COL25A1: variants seen among roughly 807,000 people sequenced by gnomAD.
The protein encoded by COL25A1 is collagen alpha-1(XXV) chain.
Under a neutral mutation model 128.4 loss-of-function variants are expected in COL25A1, and 103 were observed. The observed-to-expected ratio is 0.80, with a 90% confidence interval of 0.68 to 0.94. The LOEUF is 0.94. COL25A1 is among the 40% of genes least tolerant of loss of function. The pLI is 0.00. For missense variants in COL25A1, 745 were observed against 840.0 expected, an observed-to-expected ratio of 0.89 and a Z score of 1.40; for synonymous variants, 279 against 277.2, an observed-to-expected ratio of 1.01 and a Z score of -0.06.
chr4:109,287,198 C>T (rs1723971492), intron 3 of COL25A1, among the ~76,000 whole-genome samples: 1 of 152,220 alleles, frequency 6.6e-6, no homozygotes, highest in African/African-American at 2.4e-5. Context: ...TGCTACAGGC[C>T]ATACTTTTGT....
chr4:109,037,388 G>A lies in COL25A1; in HGVS notation c.420+10780C>T, dbSNP rs76914943. Reference sequence around the variant, plus strand: ...AGGTATGATGGATCCAAAGCCAGGAGGAGGGGAGCTCACAGTGAGGCTGTC... The same window carrying A: ...AGGTATGATGGATCCAAAGCCAGGAAGAGGGGAGCTCACAGTGAGGCTGTC... On this transcript the variant is annotated intron_variant, in intron 5 of 37. Coordinates refer to ENST00000399132, the MANE Select transcript of COL25A1 (RefSeq NM_198721.4). 4.8e-3 allele frequency among the ~76,000 whole-genome samples: 727 copies of A among 152,266 alleles called. 32 individuals carry two copies. The East Asian group carries it at 0.1, about 22-fold the overall frequency.
intron 3 of COL25A1, among the ~76,000 whole-genome samples, chr4:109,154,642 C>T (rs945161080): frequency 2.6e-5 from 4 of 152,104 alleles, no homozygotes; most frequent in Admixed American, 6.5e-5. Flanking sequence ...ATGAAGACAC[C>T]GCCTAACACG....
At chr4:109,080,273 G>A (rs1213645411) in intron 3 of COL25A1, among the ~76,000 whole-genome samples, 1 of 152,148 alleles carries the variant, frequency 6.6e-6, no homozygotes, top group African/African-American at 2.4e-5. Context: ...AAGTAGTAGA[G>A]TTAGGAAGTC....
intron 31 of COL25A1, among the ~76,000 whole-genome samples, chr4:108,835,975 C>CATT (rs962383156): frequency 2.3e-4 from 31 of 137,522 alleles, no homozygotes; most frequent in Middle Eastern, 4.1e-3. Flanking sequence ...GGGTTTATGC[C>CATT]ATTCTCCTGC....
At chr4:109,205,468 G>GAA (rs1314268486) in intron 3 of COL25A1, among the ~76,000 whole-genome samples, 1 of 152,094 alleles carries the variant, frequency 6.6e-6, no homozygotes, top group African/African-American at 2.4e-5. Context: ...TTTGTGCACT[G>GAA]AAAAGTAAAG....
In COL25A1 at chr4:109,018,108, G is replaced by A. The variant is rs375923552; in HGVS notation, c.421-7733C>T. ...CACCTGTAGTAAGCATCCAGATAAA[G>A]CTTTAGAACCACCTCAAAAAACTCT... On this transcript the variant is annotated intron_variant, in intron 5 of 37. Transcript: ENST00000399132. Among the ~76,000 whole-genome samples, 44 of 151,826 alleles carry A rather than the reference G, an allele frequency of 2.9e-4. No individual in the cohort carries two copies. In the East Asian group the frequency reaches 8.5e-3, roughly 29 times the overall value.
intron 6 of COL25A1, among the ~76,000 whole-genome samples, chr4:108,982,581 G>A (rs1207920995): frequency 6.6e-6 from 1 of 152,094 alleles, no homozygotes; most frequent in African/African-American, 2.4e-5. Flanking sequence ...TGCTGCAGAA[G>A]AACCGTGTTT....
chr4:108,960,597 G>A (rs1750574236), intron 8 of COL25A1, among the ~76,000 whole-genome samples: 1 of 152,080 alleles, frequency 6.6e-6, no homozygotes. Context: ...TAAATTCAAG[G>A]ACTACGTTAG....
chr4:109,195,604 T>C (rs1775976133), intron 3 of COL25A1, among the ~76,000 whole-genome samples: 1 of 152,032 alleles, frequency 6.6e-6, no homozygotes, highest in African/African-American at 2.4e-5. Context: ...ATGAGTCAAC[T>C]TCTCATTACT....
At chr4:108,931,781 T>A (rs1746775274) in intron 11 of COL25A1, among the ~76,000 whole-genome samples, 1 of 152,134 alleles carries the variant, frequency 6.6e-6, no homozygotes, top group Non-Finnish European at 1.5e-5. Context: ...GCATCACTTG[T>A]CTACTTTTTC....
At chr4:109,055,035 A>C (rs919426990) in intron 3 of COL25A1, among the ~76,000 whole-genome samples, 1 of 152,186 alleles carries the variant, frequency 6.6e-6, no homozygotes, top group East Asian at 1.9e-4. Context: ...GTTTACCTTC[A>C]GGTCTTCTGG....
chr4:108,936,497 G>A (rs1159903314), intron 11 of COL25A1, among the ~76,000 whole-genome samples: 1 of 152,098 alleles, frequency 6.6e-6, no homozygotes, highest in African/African-American at 2.4e-5. Context: ...AACCCAGGAG[G>A]TGGTGGTTGC....
chr4:108,827,249 T>C (rs1732507524), intron 32 of COL25A1, 61 bp from the exon 33 acceptor site: 6 of 1,360,200 alleles, frequency 4.4e-6, no homozygotes, highest in Non-Finnish European at 5.3e-6. Flanking sequence ...ACACTTTCTC[T>C]CATGCCCTAT....
intron 20 of COL25A1, among the ~76,000 whole-genome samples, chr4:108,864,594 T>C (rs4956216): frequency 0.55 from 83,009 of 151,618 alleles, 23,937 homozygotes; most frequent in East Asian, 1. Context: ...AGACAAGAGC[T>C]GCAGAACCAA....
intron 3 of COL25A1, among the ~76,000 whole-genome samples, chr4:109,256,960 C>T (rs533251369): frequency 6.6e-6 from 1 of 152,192 alleles, no homozygotes; most frequent in Non-Finnish European, 1.5e-5. Context: ...ACCACACTGA[C>T]AAGTTCCCCT....
At chr4:109,208,670 A>G (rs900883397) in intron 3 of COL25A1, among the ~76,000 whole-genome samples, 1 of 152,186 alleles carries the variant, frequency 6.6e-6, no homozygotes, top group Non-Finnish European at 1.5e-5. Context: ...GGAAAGTGAT[A>G]ACTCAGATAA....
intron 20 of COL25A1, among the ~76,000 whole-genome samples, chr4:108,866,394 T>C (rs1269490461): frequency 6.6e-6 from 1 of 152,080 alleles, no homozygotes; most frequent in South Asian, 2.1e-4. Flanking sequence ...GGTCTCATCA[T>C]GTTGCCCAGG....
intron 3 of COL25A1, among the ~76,000 whole-genome samples, chr4:109,188,173 T>G (rs1237433313): frequency 2.0e-5 from 3 of 152,240 alleles, no homozygotes; most frequent in Non-Finnish European, 4.4e-5. Flanking sequence ...ACCATCTCTT[T>G]TTGATTCATA....
chr4:109,055,627 A>G (rs1222364497), intron 3 of COL25A1, among the ~76,000 whole-genome samples: 3 of 152,182 alleles, frequency 2.0e-5, no homozygotes, highest in Non-Finnish European at 4.4e-5. Context: ...GAACATCGCT[A>G]CTTAGACAGA....
Sources: gnomAD v4.1 joint callset for allele counts (sites outside exome capture counted in the v4.1 genomes callset) on GRCh38, gnomAD v4.1.1 for gene constraint, MANE v1.5 for transcripts, NCBI Gene and HGNC (gene_info 2026-07-23, HGNC 2026-07-21) for gene names.